BMPR1B: variants seen among roughly 807,000 people sequenced by gnomAD.
BMPR1B encodes bone morphogenetic protein receptor type 1B, also known as bone morphogenetic protein receptor type-1B.
In BMPR1B, 12 loss-of-function variants were observed where a neutral mutation model predicts 59.1. That is an observed-to-expected ratio of 0.20 (90% CI 0.13 to 0.33). BMPR1B has a LOEUF of 0.33. BMPR1B is among the 10% of genes least tolerant of loss of function. The probability of loss-of-function intolerance (pLI) is 1.00; values close to 1 mark genes in which losing one functional copy is unlikely to be tolerated. For synonymous variants in BMPR1B, 237 were observed against 207.3 expected, an observed-to-expected ratio of 1.14 and a Z score of -1.23; for missense variants, 550 against 610.9, an observed-to-expected ratio of 0.90 and a Z score of 1.05.
intron 3 of BMPR1B, among the ~76,000 whole-genome samples, chr4:95,066,475 A>G (rs1025516803): frequency 6.6e-6 from 1 of 152,226 alleles, no homozygotes; most frequent in East Asian, 1.9e-4. Context: ...TAGCATTCAA[A>G]TACAGTTGGA....
intron 10 of BMPR1B, among the ~76,000 whole-genome samples, chr4:95,144,125 G>T (rs1027715500): frequency 2.0e-5 from 3 of 151,732 alleles, no homozygotes; most frequent in African/African-American, 7.3e-5. Flanking sequence ...TTCTTACTCA[G>T]AAAATTGTAG....
intron 4 of BMPR1B, among the ~76,000 whole-genome samples, chr4:95,105,271 G>A (rs1174588170): frequency 1.3e-5 from 2 of 152,074 alleles, no homozygotes; most frequent in African/African-American, 4.8e-5. Flanking sequence ...AGGCCAGTGT[G>A]TGCCAAGAGA....
chr4:95,038,946 T>A (rs898011542), intron 3 of BMPR1B, among the ~76,000 whole-genome samples: 1 of 152,186 alleles, frequency 6.6e-6, no homozygotes, highest in Non-Finnish European at 1.5e-5. Flanking sequence ...GCATAAACCT[T>A]AGGATAACTC....
intron 1 of BMPR1B, among the ~76,000 whole-genome samples, chr4:94,814,483 T>G (rs896906754): frequency 3.9e-5 from 6 of 152,218 alleles, no homozygotes; most frequent in African/African-American, 1.2e-4. Context: ...GTGTGGGTTG[T>G]GGAACACATC....
chr4:95,028,607 A>G (rs1724589859), intron 3 of BMPR1B, among the ~76,000 whole-genome samples: 1 of 152,150 alleles, frequency 6.6e-6, no homozygotes, highest in Admixed American at 6.6e-5. Context: ...AACTATTAAG[A>G]AATGTACCTG....
intron 3 of BMPR1B, among the ~76,000 whole-genome samples, chr4:95,039,348 A>C (rs1725483658): frequency 6.6e-6 from 1 of 152,124 alleles, no homozygotes; most frequent in Admixed American, 6.5e-5. Flanking sequence ...CACTAAAGCT[A>C]AAGTCTGGTG....
intron 2 of BMPR1B, among the ~76,000 whole-genome samples, chr4:94,970,296 CTTCTCTTCTT>C (rs1560573138): frequency 1.9e-4 from 16 of 83,832 alleles, no homozygotes; most frequent in Non-Finnish European, 2.0e-4. Context: ...CTTCTCTTCT[CTTCTCTTCTT>C]TCTCTCTCTC....
intron 3 of BMPR1B, among the ~76,000 whole-genome samples, chr4:95,026,837 T>A (rs1724455741): frequency 6.6e-6 from 1 of 151,066 alleles, no homozygotes; most frequent in South Asian, 2.1e-4. Context: ...TCTAGCTCAC[T>A]GCAGCCTCAA....
At chr4:94,863,777 T>G (rs1269354564) in intron 1 of BMPR1B, among the ~76,000 whole-genome samples, 1 of 152,244 alleles carries the variant, frequency 6.6e-6, no homozygotes, top group Non-Finnish European at 1.5e-5. Flanking sequence ...ATTATACAAA[T>G]GAAAGAGGCA....
intron 3 of BMPR1B, among the ~76,000 whole-genome samples, chr4:95,085,122 G>T (rs1729479252): frequency 2.0e-5 from 3 of 152,100 alleles, no homozygotes; most frequent in South Asian, 2.1e-4. Context: ...TCTCTTTGTT[G>T]TAAAACCCTT....
intron 1 of BMPR1B, among the ~76,000 whole-genome samples, chr4:94,786,759 T>G (rs1178941612): frequency 6.6e-6 from 1 of 152,060 alleles, no homozygotes; most frequent in African/African-American, 2.4e-5. Context: ...TTAGCCAGGA[T>G]AGTCTTGATC....
At chr4:94,932,643 C>T (rs1729136845) in intron 2 of BMPR1B, among the ~76,000 whole-genome samples, 1 of 151,978 alleles carries the variant, frequency 6.6e-6, no homozygotes, top group African/African-American at 2.4e-5. Flanking sequence ...ACATACACCC[C>T]TTTTTTGGCC....
intron 3 of BMPR1B, among the ~76,000 whole-genome samples, chr4:95,101,277 T>C (rs1730801461): frequency 6.6e-6 from 1 of 152,174 alleles, no homozygotes; most frequent in Non-Finnish European, 1.5e-5. Flanking sequence ...AAGATGGTAC[T>C]CCTGCCCTCT....
chr4:94,967,019 G>A (rs1206800963), intron 2 of BMPR1B, among the ~76,000 whole-genome samples: 1 of 152,152 alleles, frequency 6.6e-6, no homozygotes, highest in Non-Finnish European at 1.5e-5. Flanking sequence ...ACAAGGGGAA[G>A]CAAGACAACC....
intron 3 of BMPR1B, among the ~76,000 whole-genome samples, chr4:95,084,351 G>A (rs1438582898): frequency 4.7e-5 from 4 of 85,760 alleles, no homozygotes; most frequent in African/African-American, 1.6e-4. Context: ...GTGTAGGTGT[G>A]TGTGTATATA....
intron 3 of BMPR1B, among the ~76,000 whole-genome samples, chr4:95,041,128 C>A (rs1274907467): frequency 6.6e-6 from 1 of 152,112 alleles, no homozygotes; most frequent in African/African-American, 2.4e-5. Context: ...CTCCCTGCAG[C>A]CTTAACCTCC....
At chr4:95,143,465 G>A (rs1002240105) in intron 10 of BMPR1B, among the ~76,000 whole-genome samples, 1 of 152,034 alleles carries the variant, frequency 6.6e-6, no homozygotes, top group African/African-American at 2.4e-5. Context: ...CTCTCTCAAA[G>A]TCTTTCCCTT....
chr4:94,872,635 C>G (rs1726549261), intron 1 of BMPR1B, among the ~76,000 whole-genome samples: 1 of 152,112 alleles, frequency 6.6e-6, no homozygotes, highest in Non-Finnish European at 1.5e-5. Context: ...GTAGTCCCAG[C>G]TACTTTGGAG....
chr4:94,819,754 G>C (rs1332008151), intron 1 of BMPR1B, among the ~76,000 whole-genome samples: 1 of 152,208 alleles, frequency 6.6e-6, no homozygotes, highest in Admixed American at 6.5e-5. Flanking sequence ...GAATATGTAA[G>C]TATCTGCTTA....
Sources: gnomAD v4.1 joint callset for allele counts (sites outside exome capture counted in the v4.1 genomes callset) on GRCh38, gnomAD v4.1.1 for gene constraint, MANE v1.5 for transcripts, NCBI Gene and HGNC (gene_info 2026-07-23, HGNC 2026-07-21) for gene names.